The following DNASE1 variants were observed in gnomAD, a reference collection of about 807,000 sequenced individuals.
DNASE1 encodes deoxyribonuclease-1.
Under a neutral mutation model 33.9 loss-of-function variants are expected in DNASE1, and 40 were observed. The observed-to-expected ratio is 1.18, with a 90% CI of 0.92 to 1.54. The LOEUF is 1.54. DNASE1 is among the 40% of genes most tolerant of loss of function. DNASE1 has a pLI of 0.00. For synonymous variants in DNASE1, 216 were observed against 160.0 expected, an observed-to-expected ratio of 1.35 and a Z score of -2.64; for missense variants, 518 against 372.6, an observed-to-expected ratio of 1.39 and a Z score of -3.21.
chr16:3,658,064 G>A lies in DNASE1; in HGVS notation c.*111G>A. On this transcript the variant is annotated 3_prime_UTR_variant, in exon 9 of 9. Coordinates refer to ENST00000246949, the MANE Select transcript of DNASE1 (RefSeq NM_005223.4). ...GGGTTAAGAAATACCTTTAAATTTA[G>A]GTAAATAAAGCTCAAGGAGGTGGGG... 6.2e-7 allele frequency: 1 copy of A among 1,608,428 alleles called. No individual in the cohort carries two copies.
intron 1 of DNASE1, among the ~76,000 whole-genome samples, chr16:3,646,827 C>T (rs972682996): frequency 6.6e-5 from 10 of 152,028 alleles, no homozygotes; most frequent in African/African-American, 2.4e-4. Flanking sequence ...GACGTGCAGG[C>T]TCAGGGTGCA....
intron 1 of DNASE1, among the ~76,000 whole-genome samples, chr16:3,614,407 G>C (rs2041028540): frequency 1.3e-5 from 2 of 152,234 alleles, no homozygotes; most frequent in African/African-American, 4.8e-5. Flanking sequence ...CACGTTCAGA[G>C]CCACAAGGGA....
chr16:3,629,736 T>A (rs1349129526), intron 1 of DNASE1, among the ~76,000 whole-genome samples: 3 of 152,230 alleles, frequency 2.0e-5, no homozygotes, highest in Admixed American at 2.0e-4. Flanking sequence ...GATTTTTGAT[T>A]ACTGATTAAA....
At chr16:3,615,262 G>T (rs920940200) in intron 1 of DNASE1, among the ~76,000 whole-genome samples, 1 of 152,170 alleles carries the variant, frequency 6.6e-6, no homozygotes, top group Non-Finnish European at 1.5e-5. Context: ...GGTCAGGGTG[G>T]TGCATGGGAT....
rs752868705 is a variant in DNASE1, at chr16:3,657,257, G to T, written c.620G>T (p.Arg207Leu). 1 of 1,613,862 alleles carries T rather than the reference G, an allele frequency of 6.2e-7. No individual in the cohort carries two copies. The highest frequency in any genetic ancestry group is 8.5e-7 in the Non-Finnish European group (1 of 1,180,022). Residue 207 changes from arginine to leucine, a missense_variant, in exon 7 of 9, where the codon CGC (arginine) becomes CTC (leucine). Arg to Leu is a moderately radical substitution (Grantham distance 102). Coordinates refer to ENST00000246949, the MANE Select transcript of DNASE1 (RefSeq NM_005223.4). ...AGACCCTCCCAGTGGTCATCCATCC[G>T]CCTGTGGACAAGCCCCACCTTCCAG... is the stretch of plus-strand genomic sequence containing the variant. Reference protein sequence around the residue: ...YVRPSQWSSIRLWTSPTFQWL... With the variant: ...YVRPSQWSSILLWTSPTFQWL...
chr16:3,644,650 G>A (rs2042117519), intron 1 of DNASE1, among the ~76,000 whole-genome samples: 2 of 151,992 alleles, frequency 1.3e-5, no homozygotes, highest in African/African-American at 4.8e-5. Context: ...AGGGAGTATT[G>A]CTAGCACCTA....
downstream of DNASE1, chr16:3,659,380 T>C (rs1266770498): frequency 6.6e-6 from 1 of 152,184 alleles, no homozygotes; most frequent in Non-Finnish European, 1.5e-5. Context: ...GAAAACCATT[T>C]AGACCAGAGT....
chr16:3,656,079 G>T (rs8176931), intron 3 of DNASE1, 23 bp from the exon 4 acceptor site: 2 of 1,613,966 alleles, frequency 1.2e-6, no homozygotes, highest in East Asian at 4.5e-5. Flanking sequence ...CCGCCACTGG[G>T]ACCTTTTGTT....
At chr16:3,656,929 G>C (rs768127076) in intron 5 of DNASE1, 70 bp from the exon 6 acceptor site, 2 of 1,578,664 alleles carry the variant, frequency 1.3e-6, no homozygotes, top group South Asian at 1.1e-5. Context: ...ATGATACATA[G>C]TTCCAGCTGA....
At position 3,656,671 on chromosome 16, in the gene DNASE1, C is replaced by G. The variant is rs1225420789; in HGVS notation, c.354C>G (p.Tyr118Ter). The change falls in exon 5 of 9, where the codon TAC (tyrosine) becomes TAG (stop). Residue 118 changes from tyrosine to a stop codon, truncating the protein, a stop_gained. Coordinates refer to ENST00000246949, the MANE Select transcript of DNASE1 (RefSeq NM_005223.4). LOFTEE classifies it high-confidence loss of function. ...PDQVSAVDSY[Y>*]YDDGCEPCGN... is the part of the protein sequence containing the mutation. ...AGGTGTCTGCGGTGGACAGCTACTA[C>G]TACGATGATGGCTGCGAGCCCTGCG... 1 of 1,613,092 alleles carries G rather than the reference C, an allele frequency of 6.2e-7. No individual in the cohort carries two copies. Among genetic ancestry groups the G allele is most frequent in the East Asian group, 2.2e-5 (1 of 44,810 alleles).
At chr16:3,663,266 C>T (rs1280151549) in exon 10 of DNASE1, 3 of 957,332 alleles carry the variant, frequency 3.1e-6, no homozygotes, top group African/African-American at 3.3e-5. Flanking sequence ...CAGGAGGCAC[C>T]TTCCTCCAGT....
At chr16:3,626,628 A>G (rs2041521009) in intron 1 of DNASE1, among the ~76,000 whole-genome samples, 1 of 152,186 alleles carries the variant, frequency 6.6e-6, no homozygotes, top group Non-Finnish European at 1.5e-5. Flanking sequence ...AGTGTCCTCT[A>G]GATGTCAGTT....
exon 10 of DNASE1, chr16:3,664,258 C>A: frequency 6.4e-7 from 1 of 1,557,490 alleles, no homozygotes. Context: ...GCCCGCCCCA[C>A]CCACCGCTCA....
intron 1 of DNASE1, among the ~76,000 whole-genome samples, chr16:3,621,466 A>T (rs890076258): frequency 2.6e-5 from 4 of 152,100 alleles, no homozygotes; most frequent in African/African-American, 9.7e-5. Context: ...ATTCCCTCCT[A>T]CTTCTGGCCC....
chr16:3,663,579 G>C, exon 10 of DNASE1: 1 of 1,613,286 alleles, frequency 6.2e-7, no homozygotes, highest in Non-Finnish European at 8.5e-7. Flanking sequence ...GTGGCCAAGA[G>C]CAGCTCCATC....
At chr16:3,635,198 C>T (rs994086213) in intron 1 of DNASE1, among the ~76,000 whole-genome samples, 1 of 152,004 alleles carries the variant, frequency 6.6e-6, no homozygotes, top group Non-Finnish European at 1.5e-5. Context: ...TGGCTTTTGC[C>T]TGTAATCCCA....
chr16:3,621,279 G>A (rs2041301447), intron 1 of DNASE1, among the ~76,000 whole-genome samples: 1 of 152,034 alleles, frequency 6.6e-6, no homozygotes, highest in East Asian at 1.9e-4. Flanking sequence ...TAGATATGGG[G>A]TCTTGCTATC....
chr16:3,645,932 CAA>C (rs775900040), intron 1 of DNASE1, among the ~76,000 whole-genome samples: 10 of 152,316 alleles, frequency 6.6e-5, no homozygotes, highest in Admixed American at 1.3e-4. Flanking sequence ...ACTGTCACGG[CAA>C]AGACACTGGC....
intron 1 of DNASE1, among the ~76,000 whole-genome samples, chr16:3,627,006 G>C (rs948794432): frequency 6.6e-6 from 1 of 151,612 alleles, no homozygotes; most frequent in African/African-American, 2.4e-5. Flanking sequence ...TGAGGAGCTG[G>C]GACCACAGGC....
Sources: allele counts gnomAD v4.1 joint callset (sites outside exome capture counted in the v4.1 genomes callset), GRCh38; gene constraint gnomAD v4.1.1; transcripts MANE v1.5; gene names NCBI Gene and HGNC (gene_info 2026-07-23, HGNC 2026-07-21).